Variants in WWOX observed in about 807,000 individuals in gnomAD.
The protein encoded by WWOX is WW domain-containing oxidoreductase.
In WWOX, 69 loss-of-function variants were observed where a neutral mutation model predicts 46.2. The ratio of observed to expected loss-of-function variants is 1.49; its 90% CI spans 1.23 to 1.82. The LOEUF (loss-of-function observed/expected upper bound fraction) is 1.82. WWOX is among the 40% of genes most tolerant of loss of function. The pLI is 0.00. For synonymous variants in WWOX, 359 were observed against 202.6 expected (o/e 1.77, Z -6.56); for missense variants, 919 against 542.6 (o/e 1.69, Z -6.89).
chr16:78,214,631 G>C (rs372535985), intron 5 of WWOX, among the ~76,000 whole-genome samples: 2 of 152,218 alleles, frequency 1.3e-5, no homozygotes, highest in South Asian at 4.2e-4. Flanking sequence ...TCGTGTCCCA[G>C]GTCCCTGAAA....
rs755232254 is a variant in WWOX, at chr16:78,734,950, C to T, written c.1056+302198C>T. Among the ~76,000 whole-genome samples, 3 of 140,112 alleles carry T rather than the reference C, an allele frequency of 2.1e-5. No homozygotes were observed. In the Admixed American group the frequency reaches 2.3e-4, roughly 11 times the overall value. 91.9% of individuals were successfully genotyped at this position (140,112 alleles called of 152,430 possible). Reference sequence around the variant, plus strand: ...ACGCAATCTCAGCTCACTACAACCTCAGCCTCCCAGGTTCAAGCGATTCTC... The same window carrying T: ...ACGCAATCTCAGCTCACTACAACCTTAGCCTCCCAGGTTCAAGCGATTCTC... On this transcript the variant is annotated intron_variant, in intron 8 of 8. Transcript: ENST00000566780.
At chr16:78,808,426 T>C (rs534405309) in intron 8 of WWOX, among the ~76,000 whole-genome samples, 2 of 152,352 alleles carry the variant, frequency 1.3e-5, no homozygotes, top group East Asian at 3.9e-4. Context: ...TATTGGGATG[T>C]GTAAAGTAGA....
At chr16:78,461,526 CAG>C (rs2083948879) in intron 8 of WWOX, among the ~76,000 whole-genome samples, 1 of 152,184 alleles carries the variant, frequency 6.6e-6, no homozygotes, top group African/African-American at 2.4e-5. Context: ...GCAAGTCAAA[CAG>C]ATCCTTTCGC....
intron 6 of WWOX, among the ~76,000 whole-genome samples, chr16:78,400,256 G>C (rs1437518148): frequency 6.6e-6 from 1 of 152,164 alleles, no homozygotes; most frequent in South Asian, 2.1e-4. Context: ...TGTCTCAGAA[G>C]TACAAGTTAT....
At position 78,266,788 on chromosome 16, in the gene WWOX, TTCTCTCTC is replaced by T. The variant is rs60393431; in HGVS notation, c.516+102529_516+102536del. On this transcript the variant is annotated intron_variant, in intron 5 of 8. Transcript: ENST00000566780. ...GATAAATGCAAGTTCTATTCTTCTATTCTCTCTCTCTCTCTCTCTCTCTCTCTCTCTCT... is the reference window on the plus strand; with the variant it reads ...GATAAATGCAAGTTCTATTCTTCTATTCTCTCTCTCTCTCTCTCTCTCTCT... Among the ~76,000 whole-genome samples, 161 of 115,626 alleles carry T rather than the reference TTCTCTCTC, an allele frequency of 1.4e-3. 1 individual carries two copies. The highest frequency in any genetic ancestry group is 2.1e-3 in the African/African-American group (65 of 31,176). 75.9% of individuals were successfully genotyped at this position (115,626 alleles called of 152,430 possible).
chr16:79,189,397 A>G (rs887340438), intron 8 of WWOX, among the ~76,000 whole-genome samples: 8 of 149,150 alleles, frequency 5.4e-5, no homozygotes, highest in Non-Finnish European at 1.2e-4. Flanking sequence ...AGCTGGGACT[A>G]CAGGCATGCA....
chr16:78,894,060 A>G (rs1466040110), intron 8 of WWOX, among the ~76,000 whole-genome samples: 1 of 26,680 alleles, frequency 3.7e-5, no homozygotes, highest in African/African-American at 6.9e-5. Context: ...ATATTTTGAG[A>G]CAGGGTCTTG....
rs1436091333 is a variant in WWOX, at chr16:79,211,951, C to G, written c.*155C>G. On this transcript the variant is annotated 3_prime_UTR_variant, in exon 9 of 9. Transcript: ENST00000566780. ...ACAACAGAGTGAAAAATCTTAAGTA[C>G]CAATGGGAAGCAGGGAATTCCTGGG... 7.2e-6 allele frequency: 11 copies of G among 1,536,588 alleles called. No homozygotes were observed. The highest frequency in any genetic ancestry group is 1.7e-4 in the Middle Eastern group (1 of 6,014).
At chr16:78,469,635 A>G (rs528585820) in intron 8 of WWOX, among the ~76,000 whole-genome samples, 2 of 152,302 alleles carry the variant, frequency 1.3e-5, no homozygotes, top group Admixed American at 6.5e-5. Flanking sequence ...GGCTGCCAGG[A>G]CATGTCTGAG....
chr16:78,706,822 G>C (rs962236593), intron 8 of WWOX, among the ~76,000 whole-genome samples: 2 of 151,978 alleles, frequency 1.3e-5, no homozygotes, highest in African/African-American at 4.8e-5. Context: ...TTTGGAGACA[G>C]ATCTCACTTT....
At chr16:79,161,921 G>A (rs1007931641) in intron 8 of WWOX, among the ~76,000 whole-genome samples, 1 of 152,192 alleles carries the variant, frequency 6.6e-6, no homozygotes, top group African/African-American at 2.4e-5. Context: ...TCCCTCCCAG[G>A]CCTTGGAAAG....
At chr16:78,888,730 C>T (rs895541792) in intron 8 of WWOX, among the ~76,000 whole-genome samples, 7 of 152,164 alleles carry the variant, frequency 4.6e-5, no homozygotes, top group East Asian at 1.9e-4. Context: ...GACTAGACAA[C>T]GAAATACATT....
At chr16:78,532,506 C>G (rs1044080937) in intron 8 of WWOX, among the ~76,000 whole-genome samples, 64 of 152,138 alleles carry the variant, frequency 4.2e-4, no homozygotes, top group African/African-American at 1.5e-3. Flanking sequence ...TGATAAGAAA[C>G]AGCAGGCATA....
chr16:79,051,284 G>T (rs552942392), intron 8 of WWOX, among the ~76,000 whole-genome samples: 3 of 152,242 alleles, frequency 2.0e-5, no homozygotes, highest in East Asian at 3.9e-4. Flanking sequence ...TGCATCATGC[G>T]CAGGAGACCC....
At position 78,747,369 on chromosome 16, in the gene WWOX, T is replaced by C. The variant is rs55996135; in HGVS notation, c.1056+314617T>C. On this transcript the variant is annotated intron_variant, in intron 8 of 8. Coordinates refer to ENST00000566780, the MANE Select transcript of WWOX (RefSeq NM_016373.4). ...ACCACACCTGTCTAATTTCTTATCT[T>C]TCTAACACAGTTTAAATATCACTTT... Among the ~76,000 whole-genome samples, 1,083 of 152,164 alleles carry C rather than the reference T, an allele frequency of 7.1e-3. 8 individuals are homozygous for C. The highest frequency in any genetic ancestry group is 0.025 in the African/African-American group (1,021 of 41,530).
At chr16:78,980,138 A>G (rs1272742033) in intron 8 of WWOX, among the ~76,000 whole-genome samples, 1 of 152,130 alleles carries the variant, frequency 6.6e-6, no homozygotes, top group Admixed American at 6.6e-5. Context: ...AAATCAATCA[A>G]CCAGTCAATG....
At chr16:79,011,458 A>ATTTT (rs1207066780) in intron 8 of WWOX, among the ~76,000 whole-genome samples, 2,402 of 121,990 alleles carry the variant, frequency 0.02, 27 homozygotes, top group Middle Eastern at 0.047. Context: ...TTTATTTTTT[A>ATTTT]TTTTATTTAT....
At chr16:78,974,173 G>A (rs1320475080) in intron 8 of WWOX, among the ~76,000 whole-genome samples, 1 of 152,176 alleles carries the variant, frequency 6.6e-6, no homozygotes, top group Non-Finnish European at 1.5e-5. Flanking sequence ...ATTCAATCTC[G>A]TTAATACTTT....
At chr16:78,926,205 C>T (rs780648935) in intron 8 of WWOX, among the ~76,000 whole-genome samples, 2 of 151,930 alleles carry the variant, frequency 1.3e-5, no homozygotes, top group Non-Finnish European at 2.9e-5. Context: ...AAAACCTTAC[C>T]TCTCAAAAAT....
Sources: allele counts gnomAD v4.1 joint callset (sites outside exome capture counted in the v4.1 genomes callset), GRCh38; gene constraint gnomAD v4.1.1; transcripts MANE v1.5; gene names NCBI Gene and HGNC (gene_info 2026-07-23, HGNC 2026-07-21).